Variants in ACBD3 observed in about 807,000 individuals in gnomAD.
The protein encoded by ACBD3 is Golgi resident protein GCP60.
Under a neutral mutation model 66.9 loss-of-function variants are expected in ACBD3, and 30 were observed. The observed-to-expected ratio is 0.45, with a 90% CI of 0.34 to 0.61. The LOEUF is 0.61. Among genes scored for constraint, ACBD3 ranks in the 20% least tolerant of loss-of-function variants. The pLI is 0.02. For synonymous variants in ACBD3, 278 were observed against 259.8 expected, an observed-to-expected ratio of 1.07 and a Z score of -0.68; for missense variants, 544 against 664.5, an observed-to-expected ratio of 0.82 and a Z score of 1.99.
At chr1:226,180,270 A>G (rs1225845105) in intron 1 of ACBD3, among the ~76,000 whole-genome samples, 2 of 152,160 alleles carry the variant, frequency 1.3e-5, no homozygotes, top group African/African-American at 2.4e-5. Flanking sequence ...ACTGCTTAGT[A>G]AAAGTTTTAA....
At chr1:226,163,792 G>C (rs1188702582) in intron 3 of ACBD3, among the ~76,000 whole-genome samples, 1 of 152,068 alleles carries the variant, frequency 6.6e-6, no homozygotes, top group Non-Finnish European at 1.5e-5. Context: ...TCTAATCCAG[G>C]TTAAGGTAGG....
In ACBD3 at chr1:226,160,600, A is replaced by G. The variant is rs547788400; in HGVS notation, c.728+931T>C. Among the ~76,000 whole-genome samples, 11 of 152,322 alleles carry G rather than the reference A, an allele frequency of 7.2e-5. No homozygotes were observed. The South Asian group carries it at 2.1e-3, about 29-fold the overall frequency. On this transcript the variant is annotated intron_variant, in intron 4 of 7. Coordinates refer to ENST00000366812, the MANE Select transcript of ACBD3 (RefSeq NM_022735.4). ...CCTGGATTAGTTTGAGGCTAGCACT[A>G]AACCTTTTTCTGAGGAACTACCCAG... is the stretch of plus-strand genomic sequence containing the variant.
chr1:226,173,803 C>T (rs1255283225), intron 1 of ACBD3, among the ~76,000 whole-genome samples: 1 of 143,298 alleles, frequency 7.0e-6, no homozygotes, highest in African/African-American at 2.6e-5. Flanking sequence ...CTCTGTTGCC[C>T]AGGCTGGAGT....
intron 1 of ACBD3, among the ~76,000 whole-genome samples, chr1:226,182,106 C>G (rs1405998363): frequency 6.6e-6 from 1 of 152,042 alleles, no homozygotes; most frequent in East Asian, 1.9e-4. Context: ...TGGCTCGTGC[C>G]TGTGGTCCCA....
In ACBD3 at chr1:226,146,598, G is replaced by T; in HGVS notation, c.*12C>A. 1 of 1,609,912 alleles carries T rather than the reference G, an allele frequency of 6.2e-7. No homozygotes were observed. The highest frequency in any genetic ancestry group is 8.5e-7 in the Non-Finnish European group (1 of 1,176,754). ...TGCCCAACCCTAGACTCCAGACTTT[G>T]TAACAACATTTTTATCTAGTATAAT... On this transcript the variant is annotated 3_prime_UTR_variant, in exon 8 of 8. Transcript: ENST00000366812.
chr1:226,180,836 TA>T (rs919536348), intron 1 of ACBD3, among the ~76,000 whole-genome samples: 3 of 151,998 alleles, frequency 2.0e-5, no homozygotes, highest in African/African-American at 7.3e-5. Context: ...CTGTCTGTAC[TA>T]AAAATACAAA....
chr1:226,159,444 A>G (rs1659731337), intron 4 of ACBD3, 86 bp from the exon 5 acceptor site: 1 of 1,299,946 alleles, frequency 7.7e-7, no homozygotes, highest in African/African-American at 1.5e-5. Flanking sequence ...TTACTTTTAC[A>G]GTCTGTAACT....
At position 226,186,579 on chromosome 1, in the gene ACBD3, G is replaced by A; in HGVS notation, c.97C>T (p.Pro33Ser). ...GGTGGCAGCGGTGGCGGCAGCAGCG[G>A]GGCGCCCTCCGCCCCAGGCCGCTCC... ...PEERPGAEGAPLLPPPLPPPS... is the reference protein window; with the variant it reads ...PEERPGAEGASLLPPPLPPPS... Residue 33 changes from proline (P) to serine (S), a missense_variant, in exon 1 of 8, where the codon CCG (proline) becomes TCG (serine). Physicochemically the swap from Pro to Ser is moderately conservative, Grantham distance 74. This residue lies in a region of ACBD3 where 137 missense variants were observed against 145.9 expected (regional missense o/e 0.94). Coordinates refer to ENST00000366812, the MANE Select transcript of ACBD3 (RefSeq NM_022735.4). 1 of 1,374,556 alleles carries A rather than the reference G, an allele frequency of 7.3e-7. No homozygotes were observed. The highest frequency in any genetic ancestry group is 9.4e-7 in the Non-Finnish European group (1 of 1,068,634). The allele number at this position is 1,374,556 out of a possible 1,614,324, so 85.1% of individuals were successfully genotyped here.
Position 226,166,000 on chromosome 1 carries a change from T to C in ACBD3, c.287A>G (p.Glu96Gly). ...LYGLALRFFKEKDGKAFHPTY... is the reference protein window; with the variant it reads ...LYGLALRFFKGKDGKAFHPTY... ...TGGATGAAATGCTTTGCCATCTTTT[T>C]CTATAAGAAAAAGAAACACAAAGAA... The change falls in exon 2 of 8, where the codon GAA (glutamate) becomes GGA (glycine). Residue 96 changes from glutamate (E) to glycine (G), a missense_variant and splice_region_variant. This residue lies in a region of ACBD3 where 137 missense variants were observed against 145.9 expected (regional missense o/e 0.94). Transcript: ENST00000366812. The C allele has an allele frequency of 6.2e-7, 1 of 1,600,638 alleles. No individual in the cohort carries two copies. The highest frequency in any genetic ancestry group is 1.1e-5 in the South Asian group (1 of 87,750).
intron 1 of ACBD3, 74 bp downstream of exon 1, chr1:226,186,316 C>A: frequency 6.9e-7 from 1 of 1,441,864 alleles, no homozygotes. Context: ...GGTCCAGTCA[C>A]CCTGGGGACC....
At position 226,146,087 on chromosome 1, in the gene ACBD3, T is replaced by C. The variant is rs1171141356; in HGVS notation, c.*523A>G. On this transcript the variant is annotated 3_prime_UTR_variant, in exon 8 of 8. Transcript: ENST00000366812. ...AAAGCAGAAACAATCTGGGTCATTC[T>C]GAACGAGATCAAACTGAGGCCATTT... 6.5e-6 allele frequency: 1 copy of C among 153,632 alleles called. No homozygotes were observed. Among genetic ancestry groups the C allele is most frequent in the Non-Finnish European group, 1.5e-5 (1 of 68,806 alleles). The allele number at this position is 153,632 out of a possible 1,614,324, so 9.5% of individuals were successfully genotyped here.
intron 5 of ACBD3, among the ~76,000 whole-genome samples, chr1:226,156,728 AG>A (rs1476304142): frequency 6.6e-6 from 1 of 152,216 alleles, no homozygotes; most frequent in African/African-American, 2.4e-5. Flanking sequence ...CTGGATTTTC[AG>A]TAATTTCCAC....
At chr1:226,154,618 A>G (rs1659637947) in intron 6 of ACBD3, 29 bp downstream of exon 6, 1 of 1,584,954 alleles carries the variant, frequency 6.3e-7, no homozygotes, top group Non-Finnish European at 8.6e-7. Context: ...GAATTATGAC[A>G]TCTGGACAAA....
Position 226,173,757 on chromosome 1 carries a change from C to CTTTTTTTTTTTTTTTTTTT in ACBD3, c.287-7776_287-7758dup, listed in dbSNP as rs145462202. ...TAATTTTCTTCTTTTTTTTTCTTTT[C>CTTTTTTTTTTTTTTTTTTT]TTTTTTTTTTTTTTTTTTTTTGAGA... On this transcript the variant is annotated intron_variant, in intron 1 of 7. Transcript: ENST00000366812. Among the ~76,000 whole-genome samples, 263 of 88,280 alleles carry CTTTTTTTTTTTTTTTTTTT rather than the reference C, an allele frequency of 3.0e-3. 2 individuals are homozygous for CTTTTTTTTTTTTTTTTTTT. The highest frequency in any genetic ancestry group is 3.4e-3 in the Non-Finnish European group (162 of 47,168). The allele number at this position is 88,280 out of a possible 152,430, so 57.9% of individuals were successfully genotyped here. A position where few individuals can be genotyped will look rare whatever the true frequency, so the allele number is the denominator to read the frequency against.
intron 1 of ACBD3, among the ~76,000 whole-genome samples, chr1:226,184,891 C>G (rs1452086327): frequency 2.0e-5 from 3 of 148,262 alleles, no homozygotes; most frequent in African/African-American, 7.5e-5. Flanking sequence ...CTCCGCCTCC[C>G]GGGTTCAAGT....
chr1:226,159,435 T>C (rs763934570), intron 4 of ACBD3, 77 bp from the exon 5 acceptor site: 4 of 1,399,858 alleles, frequency 2.9e-6, no homozygotes, highest in Non-Finnish European at 3.9e-6. Flanking sequence ...CCTTATTACT[T>C]ACTTTTACAG....
intron 6 of ACBD3, 135 bp downstream of exon 6, chr1:226,154,512 A>C: frequency 1.9e-6 from 2 of 1,026,526 alleles, no homozygotes; most frequent in African/African-American, 1.6e-5. Context: ...ATTCAGACTA[A>C]AAAGAGTAAA....
chr1:226,164,092 T>C (rs967191488), intron 3 of ACBD3, among the ~76,000 whole-genome samples: 13 of 80,038 alleles, frequency 1.6e-4, no homozygotes, highest in Admixed American at 8.3e-4. Context: ...GCCTGAGCAA[T>C]AGCAACAGAG....
intron 5 of ACBD3, among the ~76,000 whole-genome samples, chr1:226,155,585 G>C (rs1200604936): frequency 6.6e-6 from 1 of 152,046 alleles, no homozygotes; most frequent in East Asian, 1.9e-4. Flanking sequence ...AATAGTCACA[G>C]AAGAAAATTC....
Sources: gnomAD v4.1 joint callset for allele counts (sites outside exome capture counted in the v4.1 genomes callset) on GRCh38, gnomAD v4.1.1 for gene constraint, gnomAD v4.1.1 regional missense constraint, MANE v1.5 for transcripts, NCBI Gene and HGNC (gene_info 2026-07-23, HGNC 2026-07-21) for gene names.